Variants in KCNJ3 observed in about 807,000 individuals in gnomAD.
KCNJ3 encodes the protein G protein-activated inward rectifier potassium channel 1.
Under a neutral mutation model 39.2 loss-of-function variants are expected in KCNJ3, and 4 were observed. That is an observed-to-expected ratio of 0.10 (90% CI 0.05 to 0.23). The LOEUF (loss-of-function observed/expected upper bound fraction) is 0.23. Among genes scored for constraint, KCNJ3 ranks in the 10% least tolerant of loss-of-function variants. The pLI is 1.00. For missense variants in KCNJ3, 276 were observed against 634.9 expected, an observed-to-expected ratio of 0.43 and a Z score of 6.08; for synonymous variants, 230 against 237.4, an observed-to-expected ratio of 0.97 and a Z score of 0.29.
intron 1 of KCNJ3, among the ~76,000 whole-genome samples, chr2:154,701,912 T>G (rs936184665): frequency 2.0e-5 from 3 of 151,994 alleles, no homozygotes; most frequent in Non-Finnish European, 4.4e-5. Context: ...GCATGGTAAT[T>G]TAAATGAATT....
At chr2:154,726,832 CA>C (rs779486227) in intron 2 of KCNJ3, among the ~76,000 whole-genome samples, 24,624 of 141,100 alleles carry the variant, frequency 0.17, 2,569 homozygotes, top group Non-Finnish European at 0.25. Context: ...CACACACACA[CA>C]CATACACCAT....
At chr2:154,780,736 T>C (rs1389878129) in intron 2 of KCNJ3, among the ~76,000 whole-genome samples, 1 of 152,336 alleles carries the variant, frequency 6.6e-6, no homozygotes, top group South Asian at 2.1e-4. Context: ...GTGTATACCA[T>C]ATGCATGTAT....
chr2:154,716,030 C>T lies in KCNJ3; in HGVS notation c.919+6211C>T, dbSNP rs189460471. On this transcript the variant is annotated intron_variant, in intron 2 of 2. Transcript: ENST00000295101. ...GTTTGTAATACATATTGCAGGGTTG[C>T]TACCAAGTGCCCGTTTCCTCATACC... Among the ~76,000 whole-genome samples, 560 of 152,158 alleles carry T rather than the reference C, an allele frequency of 3.7e-3. 1 individual carries two copies. The highest frequency in any genetic ancestry group is 0.013 in the African/African-American group (524 of 41,512).
chr2:154,766,728 G>C (rs924716759), intron 2 of KCNJ3, among the ~76,000 whole-genome samples: 1 of 151,832 alleles, frequency 6.6e-6, no homozygotes, highest in Non-Finnish European at 1.5e-5. Context: ...GCTAATTTTT[G>C]TATTTTCAGT....
chr2:154,709,302 C>T, intron 1 of KCNJ3: 1 of 408,086 alleles, frequency 2.5e-6, no homozygotes, highest in Non-Finnish European at 4.5e-6. Context: ...AGCACATGCA[C>T]ACTCAGTTCC....
intron 2 of KCNJ3, among the ~76,000 whole-genome samples, chr2:154,767,684 A>T (rs1050797580): frequency 1.3e-5 from 2 of 152,084 alleles, no homozygotes; most frequent in African/African-American, 4.8e-5. Flanking sequence ...TGACTTATAA[A>T]CCTTTGGGTA....
At chr2:154,710,355 A>T (rs1685081562) in intron 2 of KCNJ3, among the ~76,000 whole-genome samples, 1 of 152,024 alleles carries the variant, frequency 6.6e-6, no homozygotes, top group South Asian at 2.1e-4. Flanking sequence ...CCCCAGCTGA[A>T]CCTTGACCAA....
intron 2 of KCNJ3, among the ~76,000 whole-genome samples, chr2:154,803,971 A>G (rs1231627274): frequency 2.0e-5 from 3 of 152,118 alleles, no homozygotes; most frequent in Non-Finnish European, 4.4e-5. Flanking sequence ...GTGTTAGAGT[A>G]TTTCAATGCA....
chr2:154,804,121 TA>T (rs1324194846), intron 2 of KCNJ3, among the ~76,000 whole-genome samples: 1 of 152,102 alleles, frequency 6.6e-6, no homozygotes, highest in Non-Finnish European at 1.5e-5. Flanking sequence ...TAAAATGATT[TA>T]AAAAATGCTT....
At chr2:154,816,850 G>A (rs967481487) in intron 2 of KCNJ3, among the ~76,000 whole-genome samples, 2 of 152,160 alleles carry the variant, frequency 1.3e-5, no homozygotes, top group African/African-American at 4.8e-5. Flanking sequence ...GATGTAAAGT[G>A]TATGGATGTA....
intron 2 of KCNJ3, among the ~76,000 whole-genome samples, chr2:154,821,279 T>C (rs1687168282): frequency 6.6e-6 from 1 of 152,130 alleles, no homozygotes; most frequent in African/African-American, 2.4e-5. Flanking sequence ...TGAAAGAAAG[T>C]GAAAATGGTA....
At chr2:154,834,615 G>T (rs1307580808) in intron 2 of KCNJ3, among the ~76,000 whole-genome samples, 1 of 151,966 alleles carries the variant, frequency 6.6e-6, no homozygotes, top group African/African-American at 2.4e-5. Flanking sequence ...TGTAATCCCA[G>T]CTACTCCGGA....
intron 2 of KCNJ3, among the ~76,000 whole-genome samples, chr2:154,710,968 T>G (rs1457698951): frequency 6.6e-6 from 1 of 152,084 alleles, no homozygotes; most frequent in Non-Finnish European, 1.5e-5. Context: ...TTCCTTCTCT[T>G]CAAAGTGAGG....
At chr2:154,731,481 A>AT (rs199685508) in intron 2 of KCNJ3, among the ~76,000 whole-genome samples, 6 of 151,036 alleles carry the variant, frequency 4.0e-5, no homozygotes, top group Admixed American at 2.6e-4. Context: ...TTCAAGGAAA[A>AT]TTTTTTTTTC....
chr2:154,854,606 G>T, intron 2 of KCNJ3, 121 bp from the exon 3 acceptor site: 1 of 628,990 alleles, frequency 1.6e-6, no homozygotes, highest in South Asian at 2.4e-5. Context: ...TCTATTATTC[G>T]GGCTTCAGAT....
intron 2 of KCNJ3, among the ~76,000 whole-genome samples, chr2:154,792,137 G>A (rs554016104): frequency 1.3e-5 from 2 of 152,138 alleles, no homozygotes; most frequent in East Asian, 1.9e-4. Flanking sequence ...ACAAGGCCCT[G>A]ACTATTCCTT....
chr2:154,753,645 A>G (rs1553456805), intron 2 of KCNJ3, among the ~76,000 whole-genome samples: 2 of 152,148 alleles, frequency 1.3e-5, no homozygotes, highest in Non-Finnish European at 2.9e-5. Context: ...AAAAATGTGT[A>G]TTTGACAACT....
chr2:154,716,939 A>G (rs1475570472), intron 2 of KCNJ3, among the ~76,000 whole-genome samples: 2 of 152,352 alleles, frequency 1.3e-5, no homozygotes, highest in Non-Finnish European at 2.9e-5. Flanking sequence ...AGATTGATTA[A>G]GGAGAAAGTC....
chr2:154,737,436 G>T (rs1015648603), intron 2 of KCNJ3, among the ~76,000 whole-genome samples: 6 of 150,986 alleles, frequency 4.0e-5, no homozygotes, highest in African/African-American at 1.5e-4. Flanking sequence ...ATCCAATAAA[G>T]CAAATTTCAC....
Sources: allele counts gnomAD v4.1 joint callset (sites outside exome capture counted in the v4.1 genomes callset), GRCh38; gene constraint gnomAD v4.1.1; transcripts MANE v1.5; gene names NCBI Gene and HGNC (gene_info 2026-07-23, HGNC 2026-07-21).